NT5DC3: variants seen among roughly 807,000 people sequenced by gnomAD.
The protein encoded by NT5DC3 is 5'-nucleotidase domain containing 3.
In NT5DC3, 42 loss-of-function variants were observed where a neutral mutation model predicts 67.8. That is an observed-to-expected ratio of 0.62 (90% CI 0.48 to 0.80). The LOEUF (loss-of-function observed/expected upper bound fraction) is 0.80. Among genes scored for constraint, NT5DC3 ranks in the 30% least tolerant of loss-of-function variants. The pLI is 0.00. For synonymous variants in NT5DC3, 237 were observed against 255.6 expected, an observed-to-expected ratio of 0.93 and a Z score of 0.69; for missense variants, 570 against 696.4, an observed-to-expected ratio of 0.82 and a Z score of 2.04.
chr12:103,798,379 G>GA (rs1886414256), intron 5 of NT5DC3, among the ~76,000 whole-genome samples: 1 of 152,206 alleles, frequency 6.6e-6, no homozygotes, highest in Non-Finnish European at 1.5e-5. Context: ...TGTGGGAGGT[G>GA]AAAAGAGCCT....
In NT5DC3 at chr12:103,798,740, C is replaced by T. The variant is rs1351621481; in HGVS notation, c.525-63G>A. On this transcript the variant is annotated intron_variant, in intron 4 of 13. Coordinates refer to ENST00000392876, the MANE Select transcript of NT5DC3 (RefSeq NM_001031701.3). ...AGAGAAACCAATGATTTTCACACCC[C>T]TGTGCAGTGCTGGGATTTTTCAATT... 47 of 1,165,120 alleles carry T rather than the reference C, an allele frequency of 4.0e-5. 2 individuals are homozygous for T. The Admixed American group carries it at 8.7e-4, about 21-fold the overall frequency. 72.2% of individuals were successfully genotyped at this position (1,165,120 alleles called of 1,614,324 possible). A position where few individuals can be genotyped will look rare whatever the true frequency, so the allele number is the denominator to read the frequency against.
At chr12:103,751,285 C>T in the NT5DC3 span, among the ~76,000 whole-genome samples, 7 of 152,102 alleles carry the variant, frequency 4.6e-5, no homozygotes, top group East Asian at 1.2e-3. Flanking sequence ...ACAGCATGGC[C>T]AGGAGAGAAT....
chr12:103,752,716 T>A, the NT5DC3 span, among the ~76,000 whole-genome samples: 1 of 152,212 alleles, frequency 6.6e-6, no homozygotes, highest in Admixed American at 6.5e-5. Flanking sequence ...GAGAAAATCA[T>A]GTTACCAGAG....
rs142811070 is a variant in NT5DC3, at chr12:103,785,344, T to A, written c.1320A>T (p.Glu440Asp). Reference protein sequence around the residue: ...TWLQTLTGLLEQMQVHRDAES... With the variant: ...TWLQTLTGLLDQMQVHRDAES... ...AATAATATATCCAAACCTGCATCTG[T>A]TCCAATAAGCCAGTCAAGGTCTGCA... Residue 440 changes from glutamate to aspartate, a missense_variant, in exon 12 of 14, where the codon GAA becomes GAT. Physicochemically the swap from Glu to Asp is conservative, Grantham distance 45 (BLOSUM62 2). Transcript: ENST00000392876. The A allele has an allele frequency of 1.5e-5, 24 of 1,613,996 alleles. No individual in the cohort carries two copies. The African/African-American group carries it at 3.1e-4, about 21-fold the overall frequency.
At chr12:103,796,289 G>A (rs1274993220) in intron 6 of NT5DC3, among the ~76,000 whole-genome samples, 3 of 152,114 alleles carry the variant, frequency 2.0e-5, no homozygotes, top group African/African-American at 7.2e-5. Context: ...GGCTGAGGTG[G>A]GAGGATCACT....
chr12:103,809,162 G>A (rs561975777), intron 2 of NT5DC3, among the ~76,000 whole-genome samples: 1 of 152,362 alleles, frequency 6.6e-6, no homozygotes, highest in South Asian at 2.1e-4. Flanking sequence ...GCCTCCCTGT[G>A]ACAGCAGCAC....
In NT5DC3 at chr12:103,818,586, G is replaced by A. The variant is rs144952714; in HGVS notation, c.209-3465C>T. ...AGACAGGGTTTCACCATGTTGGCCA[G>A]GCTAGTCTCAAACTCCTGACCTCAG... On this transcript the variant is annotated intron_variant, in intron 1 of 13. Coordinates refer to ENST00000392876, the MANE Select transcript of NT5DC3 (RefSeq NM_001031701.3). Among the ~76,000 whole-genome samples the A allele has an allele frequency of 1.4e-3, 218 of 152,230 alleles. 2 individuals carry two copies. Among genetic ancestry groups the A allele is most frequent in the African/African-American group, 5.1e-3 (210 of 41,524 alleles).
intron 1 of NT5DC3, among the ~76,000 whole-genome samples, chr12:103,831,660 C>T (rs755224744): frequency 1.4e-4 from 21 of 152,082 alleles, no homozygotes; most frequent in Admixed American, 9.2e-4. Context: ...TGTGTGTGTG[C>T]GCCCAATGCC....
chr12:103,821,931 G>C (rs1020184851), intron 1 of NT5DC3: 5 of 152,178 alleles, frequency 3.3e-5, no homozygotes, highest in Non-Finnish European at 5.9e-5. Context: ...AGTTACATCT[G>C]CCTGGAATAT....
At chr12:103,782,727 A>T (rs1256497702) in intron 12 of NT5DC3, among the ~76,000 whole-genome samples, 6 of 152,104 alleles carry the variant, frequency 3.9e-5, no homozygotes, top group Non-Finnish European at 8.8e-5. Context: ...AAATTTATAT[A>T]CTTCTATTTC....
Position 103,775,697 on chromosome 12 carries a change from T to C in NT5DC3, c.*2132A>G, listed in dbSNP as rs554216099. 1.4e-5 allele frequency: 2 copies of C among 144,026 alleles called. No homozygotes were observed. Among genetic ancestry groups the C allele is most frequent in the Admixed American group, 7.2e-5 (1 of 13,948 alleles). 8.9% of individuals were successfully genotyped at this position (144,026 alleles called of 1,614,324 possible). On this transcript the variant is annotated 3_prime_UTR_variant, in exon 14 of 14. Transcript: ENST00000392876. ...CAAAAAAAGAACATACTACTGTGCC[T>C]TACTGTGTTCATAACAAAATGTAGA...
the NT5DC3 span, among the ~76,000 whole-genome samples, chr12:103,763,987 CT>C: frequency 0.034 from 5,031 of 147,074 alleles, 81 homozygotes; most frequent in South Asian, 0.047. Context: ...TTTAGATGTC[CT>C]TTTTTTTTTT....
In NT5DC3 at chr12:103,798,680, G is replaced by C; in HGVS notation, c.525-3C>G. 1 of 1,606,116 alleles carries C rather than the reference G, an allele frequency of 6.2e-7. No homozygotes were observed. The highest frequency in any genetic ancestry group is 8.5e-7 in the Non-Finnish European group (1 of 1,172,810). On this transcript the variant is annotated splice_region_variant and splice_polypyrimidine_tract_variant and intron_variant, in intron 4 of 13. Coordinates refer to ENST00000392876, the MANE Select transcript of NT5DC3 (RefSeq NM_001031701.3). Reference sequence around the variant, plus strand: ...CATCAGGGACAACACTGAGGCCTCTGGAAAAACCAGATGGTGCAGTTAAAG... The same window carrying C: ...CATCAGGGACAACACTGAGGCCTCTCGAAAAACCAGATGGTGCAGTTAAAG...
chr12:103,823,454 C>T (rs749275268), intron 1 of NT5DC3, among the ~76,000 whole-genome samples: 2 of 152,182 alleles, frequency 1.3e-5, no homozygotes, highest in Non-Finnish European at 2.9e-5. Context: ...AGCTCGAGGT[C>T]ACATTTTAAA....
chr12:103,758,413 C>A, the NT5DC3 span: 3 of 1,481,020 alleles, frequency 2.0e-6, no homozygotes, highest in Non-Finnish European at 2.7e-6. Context: ...AGATCATCTG[C>A]AGATCAGTTG....
chr12:103,746,642 G>A, the NT5DC3 span: 1 of 1,614,138 alleles, frequency 6.2e-7, no homozygotes, highest in Non-Finnish European at 8.5e-7. Flanking sequence ...CATGCCACCT[G>A]TAAGGAGAAC....
chr12:103,798,296 C>T (rs892526621), intron 5 of NT5DC3, among the ~76,000 whole-genome samples: 3 of 152,128 alleles, frequency 2.0e-5, no homozygotes, highest in Non-Finnish European at 2.9e-5. Flanking sequence ...CACCGACAGC[C>T]CCAATCTGTT....
At chr12:103,763,587 A>G in the NT5DC3 span, 52 of 1,613,912 alleles carry the variant, frequency 3.2e-5, no homozygotes, top group Admixed American at 6.2e-4. Flanking sequence ...CTCCCCCAGA[A>G]CCTTCCTACG....
intron 4 of NT5DC3, among the ~76,000 whole-genome samples, chr12:103,798,910 C>T (rs958517183): frequency 2.0e-5 from 3 of 152,216 alleles, no homozygotes; most frequent in Non-Finnish European, 4.4e-5. Context: ...TATTACATGG[C>T]ATGTACTATA....
Sources: allele counts gnomAD v4.1 joint callset (sites outside exome capture counted in the v4.1 genomes callset), GRCh38; gene constraint gnomAD v4.1.1; transcripts MANE v1.5; gene names NCBI Gene and HGNC (gene_info 2026-07-23, HGNC 2026-07-21).